Variants in AP4E1 observed in about 807,000 individuals in gnomAD.
AP4E1 encodes AP-4 complex subunit epsilon-1.
AP4E1 carries 56 observed loss-of-function variants against 128.2 expected under a neutral mutation model. That is an observed-to-expected ratio of 0.44 (90% CI 0.35 to 0.55). AP4E1 has a LOEUF of 0.55. Ranked by LOEUF, AP4E1 falls within the 20% of genes least tolerant of loss-of-function variation. The pLI is 0.00. For missense variants in AP4E1, 1,324 were observed against 1,307.7 expected (o/e 1.01, Z -0.19); for synonymous variants, 484 against 473.1 (o/e 1.02, Z -0.30).
At chr15:50,944,741 C>G in intron 10 of AP4E1, 1 of 562,820 alleles carries the variant, frequency 1.8e-6, no homozygotes, top group South Asian at 2.5e-5. Context: ...TTCCAAGAAA[C>G]TATGATCCTA....
At chr15:50,955,016 C>T (rs549762611) in intron 13 of AP4E1, among the ~76,000 whole-genome samples, 3 of 152,166 alleles carry the variant, frequency 2.0e-5, no homozygotes, top group Non-Finnish European at 2.9e-5. Flanking sequence ...CTACAAAGGA[C>T]GCGAACTCAT....
At chr15:50,974,185 C>CT (rs2064520212) in intron 15 of AP4E1, among the ~76,000 whole-genome samples, 2 of 151,806 alleles carry the variant, frequency 1.3e-5, no homozygotes, top group Admixed American at 6.6e-5. Flanking sequence ...AGGCTGGTCT[C>CT]AAACTCCTGA....
intron 15 of AP4E1, among the ~76,000 whole-genome samples, chr15:50,979,442 T>C (rs1329836947): frequency 1.3e-5 from 2 of 152,210 alleles, no homozygotes; most frequent in Non-Finnish European, 2.9e-5. Context: ...TTCTTCATGA[T>C]GTAGCATGAA....
At chr15:50,952,675 C>T (rs2064168162) in intron 13 of AP4E1, among the ~76,000 whole-genome samples, 1 of 152,062 alleles carries the variant, frequency 6.6e-6, no homozygotes, top group South Asian at 2.1e-4. Flanking sequence ...TTACTTATGT[C>T]TCTTTATCCT....
At chr15:50,990,034 T>C (rs572660239) in intron 16 of AP4E1, among the ~76,000 whole-genome samples, 1 of 152,238 alleles carries the variant, frequency 6.6e-6, no homozygotes, top group African/African-American at 2.4e-5. Context: ...TATAATTTCT[T>C]AACTGGCAGC....
rs1423142961 is a variant in AP4E1, at chr15:50,925,361, T to A, written c.542+142T>A. 3 of 895,910 alleles carry A rather than the reference T, an allele frequency of 3.3e-6. No individual in the cohort carries two copies. The African/African-American group carries it at 5.1e-5, about 15-fold the overall frequency. The allele number at this position is 895,910 out of a possible 1,614,324, so 55.5% of individuals were successfully genotyped here. A position where few individuals can be genotyped will look rare whatever the true frequency, so the allele number is the denominator to read the frequency against. On this transcript the variant is annotated intron_variant, in intron 5 of 20. Transcript: ENST00000261842. ...AATAATACAAAAATCTTCAATAGGA[T>A]CATCTTTATTTTTATGTGGGTTTAG...
At chr15:50,919,421 G>T (rs1024064325) in intron 3 of AP4E1, among the ~76,000 whole-genome samples, 2 of 150,530 alleles carry the variant, frequency 1.3e-5, no homozygotes, top group African/African-American at 2.4e-5. Context: ...AATCCCAGCT[G>T]CTTGGAAGGC....
intron 14 of AP4E1, among the ~76,000 whole-genome samples, chr15:50,964,412 C>T (rs1375678256): frequency 7.3e-6 from 1 of 136,640 alleles, no homozygotes; most frequent in African/African-American, 2.7e-5. Flanking sequence ...TCTGTGTTCT[C>T]TTGTATCTTT....
chr15:50,934,732 A>T, intron 8 of AP4E1, 35 bp downstream of exon 8: 1 of 1,413,480 alleles, frequency 7.1e-7, no homozygotes, highest in Non-Finnish European at 1.0e-6. Flanking sequence ...TCTAATGACT[A>T]ATAATGTTTT....
chr15:50,950,521 T>G (rs985033621), intron 13 of AP4E1, among the ~76,000 whole-genome samples: 1 of 152,218 alleles, frequency 6.6e-6, no homozygotes, highest in Non-Finnish European at 1.5e-5. Flanking sequence ...TTTAACCAAA[T>G]AGAAGGAGGT....
chr15:51,001,003 C>A, intron 19 of AP4E1, 23 bp from the exon 20 acceptor site: 1 of 1,580,028 alleles, frequency 6.3e-7, no homozygotes, highest in Non-Finnish European at 8.7e-7. Flanking sequence ...TGACATATAT[C>A]TAATTTTAAA....
rs763753421 is a variant in AP4E1 at position 51,002,579 on chromosome 15, T to C, written c.3331T>C (p.Leu1111=). ...GCATTGCCGAGTTCATGCAGATGTA[T>C]TAGCCCTGTGGTTCAGATCCTCCTG... ...LLHCRVHADV[L]ALWFRSSCST... is the part of the protein sequence containing the mutation. The change falls in exon 21 of 21, where the codon TTA becomes CTA. Residue 1111 remains leucine, a synonymous_variant. Coordinates refer to ENST00000261842, the MANE Select transcript of AP4E1 (RefSeq NM_007347.5). 14 of 1,614,098 alleles carry C rather than the reference T, an allele frequency of 8.7e-6. No homozygotes were observed. The East Asian group carries it at 2.9e-4, about 33-fold the overall frequency.
chr15:50,932,017 T>TTGC (rs901227547), intron 7 of AP4E1, among the ~76,000 whole-genome samples: 1 of 152,146 alleles, frequency 6.6e-6, no homozygotes, highest in African/African-American at 2.4e-5. Flanking sequence ...TCTTGCTGTG[T>TTGC]TGCCCAGGCT....
At position 50,934,662 on chromosome 15, in the gene AP4E1, T is replaced by TA. The variant is rs1309990795; in HGVS notation, c.909dup (p.Arg304ThrfsTer4). On this transcript the variant is annotated frameshift_variant, in exon 8 of 21. Coordinates refer to ENST00000261842, the MANE Select transcript of AP4E1 (RefSeq NM_007347.5). LOFTEE classifies it high-confidence loss of function. Reference sequence around the variant, plus strand: ...ATGTATGATGTTCTTGATGAATCCTTACGAAGAGCTGAGTTAAATCACAAT... The same window carrying TA: ...ATGTATGATGTTCTTGATGAATCCTTAACGAAGAGCTGAGTTAAATCACAAT... 6.2e-7 allele frequency: 1 copy of TA among 1,608,992 alleles called. No individual in the cohort carries two copies. The highest frequency in any genetic ancestry group is 1.3e-5 in the African/African-American group (1 of 74,768).
intron 14 of AP4E1, among the ~76,000 whole-genome samples, chr15:50,964,955 C>CCACA (rs55825810): frequency 0.14 from 18,076 of 131,288 alleles, 1,390 homozygotes; most frequent in Middle Eastern, 0.2. Flanking sequence ...CCTCCCCCTA[C>CCACA]CACACACACA....
intron 3 of AP4E1, among the ~76,000 whole-genome samples, chr15:50,920,416 T>TC (rs1226768457): frequency 1.1e-5 from 1 of 89,280 alleles, no homozygotes; most frequent in African/African-American, 3.6e-5. Context: ...CCCGGCCTTC[T>TC]TTTTTTTTTT....
At chr15:50,916,542 T>C (rs561180872) in intron 3 of AP4E1, among the ~76,000 whole-genome samples, 3 of 152,346 alleles carry the variant, frequency 2.0e-5, no homozygotes, top group African/African-American at 7.2e-5. Context: ...TCAGAGAAGT[T>C]GATAATGTCA....
intron 3 of AP4E1, 145 bp from the exon 4 acceptor site, chr15:50,923,786 G>A (rs1007725410): frequency 1.5e-6 from 1 of 651,372 alleles, no homozygotes; most frequent in Non-Finnish European, 2.7e-6. Flanking sequence ...CCTTACTGAA[G>A]GTTTTTAACC....
At chr15:50,931,683 A>G (rs941211780) in intron 7 of AP4E1, among the ~76,000 whole-genome samples, 3 of 152,198 alleles carry the variant, frequency 2.0e-5, no homozygotes, top group Non-Finnish European at 4.4e-5. Context: ...GATAGAACAT[A>G]AATAAACATT....
Sources: gnomAD v4.1 joint callset for allele counts (sites outside exome capture counted in the v4.1 genomes callset) on GRCh38, gnomAD v4.1.1 for gene constraint, MANE v1.5 for transcripts, NCBI Gene and HGNC (gene_info 2026-07-23, HGNC 2026-07-21) for gene names.